The following UBR3 variants were observed in gnomAD, a reference collection of about 807,000 sequenced individuals.
The protein encoded by UBR3 is E3 ubiquitin-protein ligase UBR3.
UBR3 carries 85 observed loss-of-function variants against 243.2 expected under a neutral mutation model. The observed-to-expected ratio is 0.35, with a 90% CI of 0.29 to 0.42. UBR3 has a LOEUF of 0.42. Among genes scored for constraint, UBR3 ranks in the 10% least tolerant of loss-of-function variants. UBR3 has a pLI of 1.00. For missense variants in UBR3, 1,686 were observed against 2,300.8 expected (o/e 0.73, Z 5.47); for synonymous variants, 748 against 799.8 (o/e 0.94, Z 1.09).
intron 23 of UBR3, among the ~76,000 whole-genome samples, chr2:169,950,842 ACT>A (rs757331864): frequency 6.6e-6 from 1 of 151,624 alleles, no homozygotes; most frequent in Non-Finnish European, 1.5e-5. Context: ...AGAGATTGAA[ACT>A]CTGCATAATT....
Position 170,007,205 on chromosome 2 carries a change from A to G in UBR3, c.4230+15A>G. ...GAGCTTTCCCAGTAAGCATCAGTGT[A>G]AGGCATAAATATCCTGGTTAACTCA... On this transcript the variant is annotated intron_variant, in intron 28 of 38. Transcript: ENST00000272793. 1.3e-6 allele frequency: 2 copies of G among 1,575,236 alleles called. No individual in the cohort carries two copies. Among genetic ancestry groups the G allele is most frequent in the Non-Finnish European group, 1.7e-6 (2 of 1,159,352 alleles).
chr2:170,033,723 T>G (rs1195792008), intron 31 of UBR3, among the ~76,000 whole-genome samples: 4 of 151,504 alleles, frequency 2.6e-5, no homozygotes, highest in Non-Finnish European at 5.9e-5. Context: ...GTTCCTCACC[T>G]CAACACTCTT....
chr2:169,852,875 AAAAC>A lies in UBR3; in HGVS notation c.546-19357_546-19354del, dbSNP rs1553492855. Among the ~76,000 whole-genome samples the A allele has an allele frequency of 1.4e-4, 11 of 81,474 alleles. 3 individuals are homozygous for A. Among genetic ancestry groups the A allele is most frequent in the South Asian group, 7.7e-4 (2 of 2,614 alleles). The allele number at this position is 81,474 out of a possible 152,430, so 53.5% of individuals were successfully genotyped here. A position where few individuals can be genotyped will look rare whatever the true frequency, so the allele number is the denominator to read the frequency against. The stretch of plus-strand genomic sequence containing the variant: ...CAAAAAAAAAAAAAAAAAAAAAAAA[AAAAC>A]AAAACCAAACAAATTGAGTCCTTTA... On this transcript the variant is annotated intron_variant, in intron 1 of 38. Coordinates refer to ENST00000272793, the MANE Select transcript of UBR3 (RefSeq NM_172070.4).
chr2:169,847,124 T>TGTGTGTGC (rs1332056027), intron 1 of UBR3, among the ~76,000 whole-genome samples: 9 of 33,532 alleles, frequency 2.7e-4, no homozygotes, highest in African/African-American at 6.7e-4. Context: ...TGTGTGTGTG[T>TGTGTGTGC]GCGCTGGCAG....
intron 5 of UBR3, among the ~76,000 whole-genome samples, chr2:169,889,097 G>C (rs2084226347): frequency 6.6e-6 from 1 of 152,104 alleles, no homozygotes; most frequent in African/African-American, 2.4e-5. Flanking sequence ...GTATGTAAGA[G>C]TACCTATTTT....
intron 5 of UBR3, among the ~76,000 whole-genome samples, chr2:169,890,099 G>A (rs2084268288): frequency 6.6e-6 from 1 of 152,150 alleles, no homozygotes; most frequent in Non-Finnish European, 1.5e-5. Context: ...GGATAGTGGG[G>A]TAGAATCATA....
intron 1 of UBR3, among the ~76,000 whole-genome samples, chr2:169,842,338 G>A (rs544705481): frequency 4.0e-4 from 61 of 152,210 alleles, no homozygotes; most frequent in African/African-American, 1.4e-3. Flanking sequence ...GATTGTAAAC[G>A]CACCAATCAG....
intron 11 of UBR3, among the ~76,000 whole-genome samples, chr2:169,920,409 A>T (rs560709929): frequency 6.6e-6 from 1 of 152,182 alleles, no homozygotes; most frequent in Non-Finnish European, 1.5e-5. Context: ...TGGCACATGT[A>T]TACATATGTA....
intron 8 of UBR3, among the ~76,000 whole-genome samples, chr2:169,902,732 C>G (rs2084877359): frequency 6.6e-6 from 1 of 152,038 alleles, no homozygotes; most frequent in South Asian, 2.1e-4. Context: ...GCCTCAGCCT[C>G]CTGAGTAGTT....
At chr2:169,966,462 A>T (rs962946158) in intron 24 of UBR3, among the ~76,000 whole-genome samples, 1 of 152,196 alleles carries the variant, frequency 6.6e-6, no homozygotes, top group African/African-American at 2.4e-5. Context: ...CATGTACACT[A>T]CTGATTATAC....
At chr2:169,955,646 T>C (rs1326098587) in intron 23 of UBR3, among the ~76,000 whole-genome samples, 1 of 151,428 alleles carries the variant, frequency 6.6e-6, no homozygotes, top group Non-Finnish European at 1.5e-5. Flanking sequence ...ATACAAAAAT[T>C]AGTTGGGCAT....
chr2:169,926,548 T>A, intron 14 of UBR3, 144 bp from the exon 15 acceptor site: 1 of 785,218 alleles, frequency 1.3e-6, no homozygotes, highest in Non-Finnish European at 2.0e-6. Flanking sequence ...TGAGCTGAGG[T>A]TGCACCAGCT....
At chr2:169,957,587 A>G (rs541549856) in intron 23 of UBR3, among the ~76,000 whole-genome samples, 1 of 149,520 alleles carries the variant, frequency 6.7e-6, no homozygotes, top group Non-Finnish European at 1.5e-5. Context: ...GGGGAGGGAA[A>G]GCATTAGGAG....
intron 1 of UBR3, among the ~76,000 whole-genome samples, chr2:169,855,989 C>T (rs1574055076): frequency 6.6e-6 from 1 of 151,574 alleles, no homozygotes; most frequent in African/African-American, 2.4e-5. Flanking sequence ...CCCCCCACCT[C>T]CCAGATGGGG....
rs1202542719 is a variant in UBR3, at chr2:169,949,827, A to G, written c.3307A>G (p.Lys1103Glu). The G allele has an allele frequency of 8.3e-6, 13 of 1,560,688 alleles. No homozygotes were observed. Residue 1103 changes from lysine to glutamate, a missense_variant, in exon 23 of 39, where the codon AAA becomes GAA. By Grantham distance (56) the Lys-to-Glu change is moderately conservative. This residue lies in a region of UBR3 where 300 missense variants were observed against 314.4 expected (regional missense o/e 0.95). Transcript: ENST00000272793. ...TAAACTTCACCACAAACTCTCAGGA[A>G]AACAAAACTCCTACTATCCTCCTTG... ...LIKLHHKLSG[K>E]QNSYYPPWLD...
chr2:169,986,035 A>G (rs897902194), intron 24 of UBR3, among the ~76,000 whole-genome samples: 1 of 152,076 alleles, frequency 6.6e-6, no homozygotes, highest in African/African-American at 2.4e-5. Flanking sequence ...ATTTTTTGCT[A>G]TTAGTAACAT....
intron 17 of UBR3, among the ~76,000 whole-genome samples, chr2:169,927,653 A>G (rs1257136444): frequency 1.3e-5 from 2 of 151,912 alleles, no homozygotes; most frequent in Non-Finnish European, 2.9e-5. Context: ...TCAGGACTGA[A>G]TGATGGCTTT....
Position 169,925,482 on chromosome 2 carries a change from T to G in UBR3, c.2023-137T>G. ...AAAATGTAAAAATGTATATTTCAACTGATTATCTTTAACATTGGACAGAAT... is the reference window on the plus strand; with the variant it reads ...AAAATGTAAAAATGTATATTTCAACGGATTATCTTTAACATTGGACAGAAT... On this transcript the variant is annotated intron_variant, in intron 13 of 38. Coordinates refer to ENST00000272793, the MANE Select transcript of UBR3 (RefSeq NM_172070.4). 4.0e-6 allele frequency: 3 copies of G among 755,632 alleles called. No individual in the cohort carries two copies. The South Asian group carries it at 1.2e-4, about 29-fold the overall frequency. The allele number at this position is 755,632 out of a possible 1,614,324, so 46.8% of individuals were successfully genotyped here.
chr2:169,947,161 G>T (rs990389446), intron 21 of UBR3, among the ~76,000 whole-genome samples: 1 of 152,048 alleles, frequency 6.6e-6, no homozygotes, highest in African/African-American at 2.4e-5. Flanking sequence ...ATTCCTCTAT[G>T]ATTAGTGATA....
Sources: gnomAD v4.1 joint callset for allele counts (sites outside exome capture counted in the v4.1 genomes callset) on GRCh38, gnomAD v4.1.1 for gene constraint, gnomAD v4.1.1 regional missense constraint, MANE v1.5 for transcripts, NCBI Gene and HGNC (gene_info 2026-07-23, HGNC 2026-07-21) for gene names.